The following EXOC4 variants were observed in gnomAD, a reference collection of about 807,000 sequenced individuals.
EXOC4 encodes the protein exocyst complex component 4, also known as SEC8-like 1.
Under a neutral mutation model 107.2 loss-of-function variants are expected in EXOC4, and 71 were observed. The ratio of observed to expected loss-of-function variants is 0.66; its 90% CI spans 0.55 to 0.81. The LOEUF (loss-of-function observed/expected upper bound fraction) is 0.81, where lower values mean the gene tolerates loss of function less well. EXOC4 is among the 30% of genes least tolerant of loss of function. EXOC4 has a pLI of 0.00. For synonymous variants in EXOC4, 456 were observed against 441.2 expected (o/e 1.03, Z -0.42); for missense variants, 1,108 against 1,189.6 (o/e 0.93, Z 1.01).
intron 10 of EXOC4, among the ~76,000 whole-genome samples, chr7:133,764,814 T>C (rs762034270): frequency 3.9e-5 from 6 of 152,062 alleles, no homozygotes; most frequent in Non-Finnish European, 8.8e-5. Flanking sequence ...ATGTCTGTTA[T>C]ACATATGTAC....
At chr7:133,813,885 T>A (rs1797298254) in intron 10 of EXOC4, among the ~76,000 whole-genome samples, 1 of 152,104 alleles carries the variant, frequency 6.6e-6, no homozygotes, top group Admixed American at 6.5e-5. Flanking sequence ...AATAGAGCGT[T>A]TAACTGGTAA....
intron 17 of EXOC4, among the ~76,000 whole-genome samples, chr7:134,051,979 C>T (rs1795803354): frequency 1.5e-5 from 2 of 136,458 alleles, no homozygotes; most frequent in East Asian, 4.5e-4. Context: ...GAGCACGACT[C>T]CATCTCAATA....
intron 1 of EXOC4, among the ~76,000 whole-genome samples, chr7:133,257,373 C>T (rs1315824737): frequency 1.3e-5 from 2 of 151,946 alleles, no homozygotes; most frequent in African/African-American, 4.8e-5. Context: ...CACGCACACA[C>T]ACACACACAC....
intron 14 of EXOC4, among the ~76,000 whole-genome samples, chr7:133,964,208 T>C (rs1256325701): frequency 2.6e-5 from 4 of 152,140 alleles, no homozygotes; most frequent in East Asian, 3.8e-4. Context: ...GAACCAGTCA[T>C]AGAATTCAGA....
chr7:133,617,361 C>T (rs904675363), intron 9 of EXOC4, among the ~76,000 whole-genome samples: 2 of 152,130 alleles, frequency 1.3e-5, no homozygotes, highest in East Asian at 3.9e-4. Flanking sequence ...GAAGACTTCT[C>T]TGTCCAGCAT....
intron 10 of EXOC4, among the ~76,000 whole-genome samples, chr7:133,679,324 A>T (rs1022569081): frequency 6.6e-6 from 1 of 152,184 alleles, no homozygotes; most frequent in Non-Finnish European, 1.5e-5. Context: ...TGCTTTTGAA[A>T]CAATCTTTCT....
chr7:133,402,745 C>T (rs1797118701), intron 7 of EXOC4, among the ~76,000 whole-genome samples: 1 of 152,176 alleles, frequency 6.6e-6, no homozygotes, highest in African/African-American at 2.4e-5. Flanking sequence ...CTCAAGCGAT[C>T]CACCTGCCTT....
At chr7:133,509,671 T>C (rs1043596728) in intron 9 of EXOC4, among the ~76,000 whole-genome samples, 1 of 152,192 alleles carries the variant, frequency 6.6e-6, no homozygotes, top group Non-Finnish European at 1.5e-5. Flanking sequence ...AGCCCTGGAC[T>C]ATGTACTGTC....
At chr7:133,404,565 A>G (rs1196307277) in intron 7 of EXOC4, among the ~76,000 whole-genome samples, 5 of 152,028 alleles carry the variant, frequency 3.3e-5, no homozygotes, top group African/African-American at 1.2e-4. Flanking sequence ...CCTTTGTTGT[A>G]GAATTCCCTA....
chr7:133,293,640 AGCTATAGGCTTG>A (rs368075935), intron 3 of EXOC4, among the ~76,000 whole-genome samples: 95 of 152,346 alleles, frequency 6.2e-4, no homozygotes, highest in African/African-American at 2.2e-3. Flanking sequence ...CTGGTCTGGT[AGCTATAGGCTTG>A]GCTTTTAGGT....
chr7:133,757,174 A>G (rs925171170), intron 10 of EXOC4, among the ~76,000 whole-genome samples: 4 of 152,096 alleles, frequency 2.6e-5, no homozygotes, highest in African/African-American at 7.2e-5. Flanking sequence ...CTCTTCTTAC[A>G]TGGGAAGATA....
At chr7:133,992,703 G>A (rs898726779) in intron 14 of EXOC4, among the ~76,000 whole-genome samples, 4 of 149,580 alleles carry the variant, frequency 2.7e-5, no homozygotes, top group Non-Finnish European at 5.9e-5. Context: ...CTGCAAACAA[G>A]GATAATTTGA....
intron 10 of EXOC4, among the ~76,000 whole-genome samples, chr7:133,665,512 G>T (rs1793791287): frequency 6.6e-6 from 1 of 152,050 alleles, no homozygotes; most frequent in Non-Finnish European, 1.5e-5. Flanking sequence ...AAAATTTGGG[G>T]TTTCTACAAG....
At chr7:133,848,238 G>A (rs1203960959) in intron 11 of EXOC4, among the ~76,000 whole-genome samples, 4 of 152,112 alleles carry the variant, frequency 2.6e-5, no homozygotes, top group Non-Finnish European at 4.4e-5. Flanking sequence ...TTTTGCCTGC[G>A]TGTACAGCTT....
At chr7:133,277,118 C>T (rs1325275902) in intron 2 of EXOC4, among the ~76,000 whole-genome samples, 1 of 152,148 alleles carries the variant, frequency 6.6e-6, no homozygotes, top group Admixed American at 6.5e-5. Flanking sequence ...TGCGCCACCA[C>T]GCCTGGCTAT....
intron 14 of EXOC4, among the ~76,000 whole-genome samples, chr7:133,973,904 A>G (rs921757030): frequency 3.3e-5 from 5 of 152,318 alleles, no homozygotes; most frequent in African/African-American, 1.2e-4. Flanking sequence ...GTGCATTCCT[A>G]TTGCATCACC....
At chr7:133,637,275 C>T (rs1412968270) in intron 10 of EXOC4, among the ~76,000 whole-genome samples, 1 of 151,990 alleles carries the variant, frequency 6.6e-6, no homozygotes, top group African/African-American at 2.4e-5. Context: ...TCACATATTG[C>T]CAATATTTCC....
intron 9 of EXOC4, among the ~76,000 whole-genome samples, chr7:133,486,895 T>G (rs890269899): frequency 6.6e-6 from 1 of 152,190 alleles, no homozygotes; most frequent in African/African-American, 2.4e-5. Context: ...TAAATATACT[T>G]TCCTCAAGTC....
intron 10 of EXOC4, among the ~76,000 whole-genome samples, chr7:133,683,008 G>T (rs1300993034): frequency 6.6e-6 from 1 of 152,132 alleles, no homozygotes; most frequent in Non-Finnish European, 1.5e-5. Flanking sequence ...TTGTCATTCT[G>T]TGAAAGGGGG....
Sources: gnomAD v4.1 joint callset for allele counts (sites outside exome capture counted in the v4.1 genomes callset) on GRCh38, gnomAD v4.1.1 for gene constraint, MANE v1.5 for transcripts, NCBI Gene and HGNC (gene_info 2026-07-23, HGNC 2026-07-21) for gene names.